ESRRG: variants seen among roughly 807,000 people sequenced by gnomAD.
The protein encoded by ESRRG is estrogen related receptor gamma, also known as estrogen-related receptor gamma.
In ESRRG, 13 loss-of-function variants were observed where a neutral mutation model predicts 44.0. The observed-to-expected ratio is 0.30, with a 90% CI of 0.19 to 0.47. The LOEUF (loss-of-function observed/expected upper bound fraction) is 0.47, where lower values mean the gene tolerates loss of function less well. Among genes scored for constraint, ESRRG ranks in the 20% least tolerant of loss-of-function variants. The probability of loss-of-function intolerance (pLI) is 1.00; values close to 1 mark genes in which losing one functional copy is unlikely to be tolerated. For missense variants in ESRRG, 395 were observed against 580.6 expected (o/e 0.68, Z 3.29); for synonymous variants, 215 against 214.6 (o/e 1.00, Z -0.02).
chr1:216,742,105 C>T lies in ESRRG; in HGVS notation c.-13-64614G>A, dbSNP rs141030649. 4.6e-3 allele frequency among the ~76,000 whole-genome samples: 701 copies of T among 152,266 alleles called. 13 individuals are homozygous for T. The highest frequency in any genetic ancestry group is 0.016 in the African/African-American group (682 of 41,552). ...AAACCCTCTTTCCTGGCAAGTTTCC[C>T]ACAAGTCTGCTTCACAGAGCCTGGG... is the stretch of plus-strand genomic sequence containing the variant. On this transcript the variant is annotated intron_variant, in intron 2 of 7. Transcript: ENST00000359162.
At chr1:216,990,049 T>G (rs1382728703) in intron 1 of ESRRG, among the ~76,000 whole-genome samples, 1 of 152,100 alleles carries the variant, frequency 6.6e-6, no homozygotes, top group Admixed American at 6.6e-5. Context: ...AATTCTCCGT[T>G]ATACCCAACA....
intron 2 of ESRRG, among the ~76,000 whole-genome samples, chr1:216,770,013 GA>G (rs1422440495): frequency 6.6e-6 from 1 of 152,040 alleles, no homozygotes; most frequent in African/African-American, 2.4e-5. Flanking sequence ...ACCAAACAAG[GA>G]AAACTGAGAA....
At chr1:216,860,547 T>C (rs2096033597) in intron 2 of ESRRG, among the ~76,000 whole-genome samples, 1 of 151,990 alleles carries the variant, frequency 6.6e-6, no homozygotes, top group South Asian at 2.1e-4. Context: ...GTAAATAAAA[T>C]AGAGATTTCT....
rs189309012 is a variant in ESRRG, at chr1:216,785,691, C to T, written c.-13-108200G>A. Among the ~76,000 whole-genome samples the T allele has an allele frequency of 7.9e-4, 120 of 152,160 alleles. 1 individual carries two copies. Among genetic ancestry groups the T allele is most frequent in the Middle Eastern group, 3.4e-3 (1 of 294 alleles). On this transcript the variant is annotated intron_variant, in intron 2 of 7. Transcript: ENST00000359162. ...GGTCTCCTTTAAAAAAAGAAAATCA[C>T]TGTTTGTTTTTTTTGCTCATTTCCA...
At chr1:216,786,078 T>C (rs1385581307) in intron 2 of ESRRG, among the ~76,000 whole-genome samples, 7 of 152,054 alleles carry the variant, frequency 4.6e-5, no homozygotes, top group African/African-American at 7.2e-5. Context: ...AAGTGCAAAA[T>C]GTCTGGTGTG....
chr1:216,919,520 C>T (rs2061573890), intron 2 of ESRRG, among the ~76,000 whole-genome samples: 1 of 152,110 alleles, frequency 6.6e-6, no homozygotes, highest in African/African-American at 2.4e-5. Flanking sequence ...GCTAGGTTAA[C>T]AATGTTTTCT....
intron 1 of ESRRG, among the ~76,000 whole-genome samples, chr1:217,082,742 CTTCAGAGAATAGCTTTTT>C (rs1421916062): frequency 1.3e-5 from 2 of 151,514 alleles, no homozygotes; most frequent in African/African-American, 4.8e-5. Context: ...TGGCCAACTA[CTTCAGAGAATAGCTTTTT>C]TTCTATCTCC....
intron 1 of ESRRG, among the ~76,000 whole-genome samples, chr1:217,023,271 G>A (rs1033128393): frequency 5.3e-5 from 8 of 152,038 alleles, no homozygotes; most frequent in East Asian, 1.9e-4. Context: ...TCAATACCAC[G>A]TAAACCAATA....
chr1:216,902,084 A>G (rs1405940039), intron 2 of ESRRG, among the ~76,000 whole-genome samples: 2 of 152,168 alleles, frequency 1.3e-5, no homozygotes, highest in Non-Finnish European at 2.9e-5. Context: ...CATCTACATG[A>G]TCTTCTCAAG....
Position 216,581,269 on chromosome 1 carries a change from A to G in ESRRG, c.590-13171T>C, listed in dbSNP as rs574083947. Among the ~76,000 whole-genome samples the G allele has an allele frequency of 9.8e-5, 15 of 152,336 alleles. 1 individual carries two copies. In the South Asian group the frequency reaches 2.5e-3, roughly 25 times the overall value. Reference sequence around the variant, plus strand: ...GTGAAAATTAATGTTTCATCTCAACATCTACAGTCACCCTTTTGGCAGAAA... The same window carrying G: ...GTGAAAATTAATGTTTCATCTCAACGTCTACAGTCACCCTTTTGGCAGAAA... On this transcript the variant is annotated intron_variant, in intron 3 of 6. Coordinates refer to ENST00000408911, the MANE Select transcript of ESRRG (RefSeq NM_001438.4).
intron 2 of ESRRG, among the ~76,000 whole-genome samples, chr1:216,898,027 C>A (rs1176211174): frequency 6.6e-6 from 1 of 152,150 alleles, no homozygotes; most frequent in Non-Finnish European, 1.5e-5. Flanking sequence ...ACATGTTAAA[C>A]CACCACTTCG....
At chr1:216,824,355 A>C (rs1215594664) in intron 2 of ESRRG, among the ~76,000 whole-genome samples, 1 of 152,202 alleles carries the variant, frequency 6.6e-6, no homozygotes, top group Admixed American at 6.5e-5. Flanking sequence ...CTAAGGCAGG[A>C]AAATCACTTG....
At chr1:216,685,132 A>G (rs17678789) in intron 1 of ESRRG, among the ~76,000 whole-genome samples, 1,944 of 152,278 alleles carry the variant, frequency 0.013, 19 homozygotes, top group Non-Finnish European at 0.021. Context: ...ATAGTCAACC[A>G]TTTGGGTAGT....
At chr1:216,544,697 A>G (rs894149822) in intron 5 of ESRRG, among the ~76,000 whole-genome samples, 1 of 151,986 alleles carries the variant, frequency 6.6e-6, no homozygotes, top group African/African-American at 2.4e-5. Context: ...ACTCTATTAC[A>G]AATATAATAC....
In ESRRG at chr1:217,016,009, C is replaced by T. The variant is rs138103176; in HGVS notation, c.-106+73498G>A. On this transcript the variant is annotated intron_variant, in intron 1 of 7. Coordinates refer to the ESRRG transcript ENST00000359162. ...GATTTAAAGTGAGAAAGAAATATGC[C>T]GAGAAAGTTTGTGTCGATCTTACCT... Among the ~76,000 whole-genome samples, 1,116 of 151,970 alleles carry T rather than the reference C, an allele frequency of 7.3e-3. 11 individuals are homozygous for T. The highest frequency in any genetic ancestry group is 0.014 in the Middle Eastern group (4 of 292).
intron 2 of ESRRG, among the ~76,000 whole-genome samples, chr1:216,789,873 T>A (rs995651572): frequency 1.3e-5 from 2 of 152,160 alleles, no homozygotes; most frequent in African/African-American, 2.4e-5. Context: ...CTGCTACTCG[T>A]CCATCAAAAT....
intron 1 of ESRRG, among the ~76,000 whole-genome samples, chr1:217,125,441 T>A (rs2092877511): frequency 6.6e-6 from 1 of 152,240 alleles, no homozygotes; most frequent in African/African-American, 2.4e-5. Flanking sequence ...TGTATTTGTC[T>A]ACAAGAAAAA....
intron 2 of ESRRG, among the ~76,000 whole-genome samples, chr1:216,748,882 C>T (rs1436722607): frequency 1.3e-5 from 2 of 152,116 alleles, no homozygotes; most frequent in African/African-American, 4.8e-5. Flanking sequence ...ACCACATACC[C>T]TTATAGACAG....
intron 2 of ESRRG, among the ~76,000 whole-genome samples, chr1:216,759,549 T>C (rs1934152): frequency 0.043 from 6,576 of 152,152 alleles, 470 homozygotes; most frequent in African/African-American, 0.15. Flanking sequence ...TTCCACCTGC[T>C]CCCAAATAAA....
Sources: allele counts gnomAD v4.1 joint callset (sites outside exome capture counted in the v4.1 genomes callset), GRCh38; gene constraint gnomAD v4.1.1; transcripts MANE v1.5; gene names NCBI Gene and HGNC (gene_info 2026-07-23, HGNC 2026-07-21).